Variants in NFRKB observed in about 807,000 individuals in gnomAD.
NFRKB encodes nuclear factor related to kappa-B-binding protein.
Under a neutral mutation model 135.7 loss-of-function variants are expected in NFRKB, and 62 were observed. The ratio of observed to expected loss-of-function variants is 0.46; its 90% CI spans 0.37 to 0.56. NFRKB has a LOEUF of 0.56. Ranked by LOEUF, NFRKB falls within the 20% of genes least tolerant of loss-of-function variation. The probability of loss-of-function intolerance (pLI) is 0.00; values close to 1 mark genes in which losing one functional copy is unlikely to be tolerated. For synonymous variants in NFRKB, 678 were observed against 635.6 expected (o/e 1.07, Z -1.00); for missense variants, 1,545 against 1,662.0 (o/e 0.93, Z 1.22).
intron 18 of NFRKB, 94 bp from the exon 19 acceptor site, chr11:129,875,010 C>T (rs1948694393): frequency 1.3e-6 from 2 of 1,489,938 alleles, no homozygotes; most frequent in East Asian, 4.5e-5. Context: ...GTATCTAAAT[C>T]ACAGCTGATG....
At position 129,884,132 on chromosome 11, in the gene NFRKB, G is replaced by A. The variant is rs1949159879; in HGVS notation, c.754C>T (p.Leu252=). 1 of 1,614,106 alleles carries A rather than the reference G, an allele frequency of 6.2e-7. No homozygotes were observed. The highest frequency in any genetic ancestry group is 1.7e-5 in the Admixed American group (1 of 60,022). The change falls in exon 8 of 27, where the codon CTG becomes TTG. Residue 252 remains leucine, a synonymous_variant. Coordinates refer to ENST00000682444, the MANE Select transcript of NFRKB (RefSeq NM_001143835.2). ...TDMKTADKVE[L]GDSDLKIMLK... is the part of the protein sequence containing the mutation. ...ATTATCTTCAGGTCACTGTCCCCCA[G>A]TTCTACTTTATCTGAGAAAACAAAC...
At chr11:129,888,561 C>T (rs1450456686) in intron 4 of NFRKB, 33 bp downstream of exon 4, 3 of 1,590,314 alleles carry the variant, frequency 1.9e-6, no homozygotes, top group Non-Finnish European at 8.6e-7. Context: ...CCATCCACCA[C>T]CCCCCTCAAA....
chr11:129,891,066 A>C (rs187144072), intron 3 of NFRKB, among the ~76,000 whole-genome samples: 28 of 152,348 alleles, frequency 1.8e-4, no homozygotes, highest in African/African-American at 6.5e-4. Context: ...CCAGGCATTA[A>C]GCATTTCCAG....
rs1467983995 is a variant in NFRKB at position 129,874,251 on chromosome 11, C to G, written c.2141G>C (p.Ser714Thr). 1 of 1,517,858 alleles carries G rather than the reference C, an allele frequency of 6.6e-7. No individual in the cohort carries two copies. The highest frequency in any genetic ancestry group is 8.8e-7 in the Non-Finnish European group (1 of 1,135,534). 94.0% of individuals were successfully genotyped at this position (1,517,858 alleles called of 1,614,324 possible). A position where few individuals can be genotyped will look rare whatever the true frequency, so the allele number is the denominator to read the frequency against. ...EQSQMSLSDS[S>T]MPPTPVTPVT... ...AGGTGTGACTGGGGTGGGTGGCATACTGGAGTCACTGAGGCTCATCTGGCT... is the reference window on the plus strand; with the variant it reads ...AGGTGTGACTGGGGTGGGTGGCATAGTGGAGTCACTGAGGCTCATCTGGCT... Residue 714 changes from serine to threonine, a missense_variant, in exon 21 of 27, where the codon AGT (serine) becomes ACT (threonine). Around this residue, in one of 3 missense-constraint regions of NFRKB, gnomAD observed 753 missense variants for 804.3 expected, o/e 0.94. Transcript: ENST00000682444. The surrounding 1 kb of genome is among the most constrained non-coding windows in gnomAD (Gnocchi z 4.5).
rs1299678872 is a variant in NFRKB at position 129,864,726 on chromosome 11, CATT to C, written c.3896_3898del (p.Gln1299_Ter1300delinsArg). The C allele has an allele frequency of 6.2e-7, 1 of 1,614,188 alleles. No homozygotes were observed. Among genetic ancestry groups the C allele is most frequent in the Non-Finnish European group, 8.5e-7 (1 of 1,180,042 alleles). ...CACGGAAGCCATCCTCTCTCATAAT[CATT>C]GTTGCTCAGGTGCCTGTTTAGGAGA... On this transcript the variant is annotated stop_lost and inframe_deletion, in exon 27 of 27. Transcript: ENST00000682444.
intron 2 of NFRKB, among the ~76,000 whole-genome samples, chr11:129,893,704 C>T (rs983238893): frequency 1.3e-5 from 2 of 152,170 alleles, no homozygotes; most frequent in East Asian, 3.8e-4. Flanking sequence ...AGGCCTTTCA[C>T]ATATCTCATT....
rs779683153 is a variant in NFRKB, at chr11:129,878,345, T to G, written c.1475A>C (p.Glu492Ala). ...AGGTGTTGTGGCATCTGAGCTGTCT[T>G]CATTTTCTTGCTGGAGAAAAAGAAA... Reference protein sequence around the residue: ...KDQAFCKQENEDSSDATTPVP... With the variant: ...KDQAFCKQENADSSDATTPVP... Residue 492 changes from glutamate (E) to alanine (A), a missense_variant, in exon 15 of 27, where the codon GAA (glutamate) becomes GCA (alanine). By Grantham distance (107) the Glu-to-Ala change is moderately radical. Transcript: ENST00000682444. 1.9e-6 allele frequency: 3 copies of G among 1,614,226 alleles called. No homozygotes were observed. The highest frequency in any genetic ancestry group is 4.5e-5 in the East Asian group (2 of 44,884).
intron 13 of NFRKB, among the ~76,000 whole-genome samples, chr11:129,880,832 C>T (rs565158572): frequency 1.3e-5 from 2 of 152,266 alleles, no homozygotes; most frequent in South Asian, 4.1e-4. Flanking sequence ...ATGAGTCTAC[C>T]GTTTTCATAA....
At chr11:129,873,213 A>C in intron 22 of NFRKB, 117 bp from the exon 23 acceptor site, 1 of 833,392 alleles carries the variant, frequency 1.2e-6, no homozygotes, top group Middle Eastern at 3.2e-4. Context: ...TTCTAATCCC[A>C]CAGTACTTAA....
intron 23 of NFRKB, among the ~76,000 whole-genome samples, chr11:129,871,016 C>T (rs1555081113): frequency 2.0e-5 from 3 of 152,126 alleles, no homozygotes; most frequent in Non-Finnish European, 4.4e-5. Flanking sequence ...TTGGTATGTG[C>T]GAGAGACTGG....
At chr11:129,882,310 A>AT (rs1450241968) in intron 10 of NFRKB, 116 bp from the exon 11 acceptor site, 1 of 1,341,232 alleles carries the variant, frequency 7.5e-7, no homozygotes, top group Non-Finnish European at 1.0e-6. Flanking sequence ...AGCAAACAAT[A>AT]TATTTTCCCA....
intron 3 of NFRKB, among the ~76,000 whole-genome samples, chr11:129,890,528 T>C (rs894761866): frequency 1.3e-5 from 2 of 152,202 alleles, no homozygotes; most frequent in African/African-American, 4.8e-5. Context: ...TCCATAATGT[T>C]TGGCATACGA....
chr11:129,886,347 C>T lies in NFRKB; in HGVS notation c.435G>A (p.Arg145=). The change falls in exon 5 of 27, where the codon CGG becomes CGA. Residue 145 remains arginine (R), a synonymous_variant. Coordinates refer to ENST00000682444, the MANE Select transcript of NFRKB (RefSeq NM_001143835.2). ...YLNSQQQYFH[R]LLKQILASRS... is the part of the protein sequence containing the mutation. ...GGGAAGCAAGAATTTGCTTCAGCAG[C>T]CGATGGAAATACTGCTGCTGGGAGT... 2.5e-6 allele frequency: 4 copies of T among 1,614,112 alleles called. No individual in the cohort carries two copies. The highest frequency in any genetic ancestry group is 3.4e-6 in the Non-Finnish European group (4 of 1,180,024).
chr11:129,869,472 A>C, intron 24 of NFRKB, 22 bp downstream of exon 24: 1 of 1,578,758 alleles, frequency 6.3e-7, no homozygotes, highest in African/African-American at 1.4e-5. Context: ...AGAAGGCCTA[A>C]GCTTTACCAC....
intron 17 of NFRKB, among the ~76,000 whole-genome samples, chr11:129,875,802 G>A (rs1191762054): frequency 1.3e-5 from 2 of 151,768 alleles, no homozygotes; most frequent in East Asian, 1.9e-4. Context: ...GATTACAGCC[G>A]TGCACCACCA....
chr11:129,868,444 C>T, intron 24 of NFRKB, among the ~76,000 whole-genome samples: 1 of 152,286 alleles, frequency 6.6e-6, no homozygotes, highest in East Asian at 1.9e-4. Context: ...ATCAGCACTG[C>T]TTAAGGTCTA....
At chr11:129,889,819 A>G (rs899826982) in intron 3 of NFRKB, among the ~76,000 whole-genome samples, 1 of 151,656 alleles carries the variant, frequency 6.6e-6, no homozygotes, top group Non-Finnish European at 1.5e-5. Context: ...GAATTAACAC[A>G]AAAGAAAGGA....
chr11:129,877,330 C>T lies in NFRKB; in HGVS notation c.1567G>A (p.Glu523Lys). 1 of 1,614,118 alleles carries T rather than the reference C, an allele frequency of 6.2e-7. No homozygotes were observed. Residue 523 changes from glutamate to lysine, a missense_variant, in exon 16 of 27, where the codon GAG becomes AAG. Around this residue, in one of 3 missense-constraint regions of NFRKB, gnomAD observed 114 missense variants for 211.0 expected, o/e 0.54. Coordinates refer to ENST00000682444, the MANE Select transcript of NFRKB (RefSeq NM_001143835.2). The stretch of plus-strand genomic sequence containing the variant: ...ACTGGCTTTTAGGTTCTTACCTGCT[C>T]CTGAAAAACCCGTTTCTCCTCCCCC... Reference protein sequence around the residue: ...STGEEKRVFQEQERYRYSQPH... With the variant: ...STGEEKRVFQKQERYRYSQPH...
chr11:129,876,718 T>C lies in NFRKB; in HGVS notation c.1747+3A>G. The stretch of plus-strand genomic sequence containing the variant: ...TCTCTGATAATCGACACGTGCCACC[T>C]ACCAAGAGACAGAATGGTGACGTAG... On this transcript the variant is annotated splice_donor_region_variant and intron_variant, in intron 17 of 26. Coordinates refer to ENST00000682444, the MANE Select transcript of NFRKB (RefSeq NM_001143835.2). 1.2e-6 allele frequency: 2 copies of C among 1,611,446 alleles called. No individual in the cohort carries two copies. The highest frequency in any genetic ancestry group is 1.1e-5 in the South Asian group (1 of 90,820).
Sources: gnomAD v4.1 joint callset for allele counts (sites outside exome capture counted in the v4.1 genomes callset) on GRCh38, gnomAD v4.1.1 for gene constraint, gnomAD v4.1.1 regional missense constraint, Gnocchi (gnomAD v3.1) non-coding constraint, MANE v1.5 for transcripts, NCBI Gene and HGNC (gene_info 2026-07-23, HGNC 2026-07-21) for gene names.